WWOX: variants seen among roughly 807,000 people sequenced by gnomAD.
WWOX encodes WW domain-containing oxidoreductase.
WWOX carries 69 observed loss-of-function variants against 46.2 expected under a neutral mutation model. That is an observed-to-expected ratio of 1.49 (90% CI 1.23 to 1.82). The LOEUF (loss-of-function observed/expected upper bound fraction) is 1.82. Ranked by LOEUF, WWOX falls within the 40% of genes most tolerant of loss-of-function variation. WWOX has a pLI of 0.00. For synonymous variants in WWOX, 359 were observed against 202.6 expected (o/e 1.77, Z -6.56); for missense variants, 919 against 542.6 (o/e 1.69, Z -6.89).
chr16:78,942,269 G>A (rs913939590), intron 8 of WWOX, among the ~76,000 whole-genome samples: 1 of 152,050 alleles, frequency 6.6e-6, no homozygotes, highest in African/African-American at 2.4e-5. Context: ...GTTGTTCCTC[G>A]TGCTGCCAAG....
chr16:78,138,157 C>T (rs2033864829), intron 4 of WWOX, among the ~76,000 whole-genome samples: 1 of 150,820 alleles, frequency 6.6e-6, no homozygotes, highest in Non-Finnish European at 1.5e-5. Flanking sequence ...AGTCACAAAA[C>T]ATCACATGAC....
intron 8 of WWOX, among the ~76,000 whole-genome samples, chr16:78,597,913 T>G (rs922198096): frequency 6.6e-6 from 1 of 152,124 alleles, no homozygotes; most frequent in African/African-American, 2.4e-5. Flanking sequence ...TTTCAGACAC[T>G]GTAAAACTAC....
chr16:78,847,248 C>G (rs1022019782), intron 8 of WWOX, among the ~76,000 whole-genome samples: 1 of 152,126 alleles, frequency 6.6e-6, no homozygotes, highest in African/African-American at 2.4e-5. Context: ...TCTAGAACTT[C>G]TCAACAGAGT....
chr16:78,409,632 G>A (rs528691498), intron 6 of WWOX, among the ~76,000 whole-genome samples: 20 of 152,234 alleles, frequency 1.3e-4, no homozygotes, highest in African/African-American at 4.8e-4. Context: ...ACAAACTTAT[G>A]TGCTTAAAAC....
chr16:78,662,125 T>C (rs1597409623), intron 8 of WWOX, among the ~76,000 whole-genome samples: 1 of 152,006 alleles, frequency 6.6e-6, no homozygotes, highest in African/African-American at 2.4e-5. Flanking sequence ...GACTTTGGGG[T>C]TTGCAGTAAG....
At chr16:78,838,037 G>T (rs373763516) in intron 8 of WWOX, among the ~76,000 whole-genome samples, 13 of 152,134 alleles carry the variant, frequency 8.5e-5, no homozygotes, top group African/African-American at 2.9e-4. Flanking sequence ...AGAAAGACTG[G>T]CACAGTTAGA....
intron 8 of WWOX, among the ~76,000 whole-genome samples, chr16:79,021,663 C>G (rs2047536342): frequency 1.3e-5 from 2 of 152,220 alleles, no homozygotes; most frequent in African/African-American, 4.8e-5. Context: ...CACACAGATG[C>G]TTCTCACACG....
At chr16:78,605,761 T>C (rs548574392) in intron 8 of WWOX, among the ~76,000 whole-genome samples, 11 of 152,290 alleles carry the variant, frequency 7.2e-5, no homozygotes, top group Admixed American at 5.2e-4. Context: ...ATGGAAAGGA[T>C]AGGAAGAAGC....
At chr16:78,977,977 A>ATCTG (rs33944113) in intron 8 of WWOX, among the ~76,000 whole-genome samples, 1 of 9,902 alleles carries the variant, frequency 1.0e-4, no homozygotes, top group African/African-American at 1.3e-4. Context: ...TAAATACCGC[A>ATCTG]TCTATTTCCA....
At chr16:79,061,627 C>G (rs1359660257) in intron 8 of WWOX, among the ~76,000 whole-genome samples, 1 of 152,128 alleles carries the variant, frequency 6.6e-6, no homozygotes, top group Admixed American at 6.5e-5. Flanking sequence ...GAGCACTGAT[C>G]CATGACAGTA....
At chr16:78,864,906 G>A (rs1277422382) in intron 8 of WWOX, among the ~76,000 whole-genome samples, 1 of 151,610 alleles carries the variant, frequency 6.6e-6, no homozygotes, top group Non-Finnish European at 1.5e-5. Context: ...GGGACCACAG[G>A]CGTGCACCAC....
chr16:78,903,095 A>G (rs897073574), intron 8 of WWOX, among the ~76,000 whole-genome samples: 1 of 152,008 alleles, frequency 6.6e-6, no homozygotes, highest in Non-Finnish European at 1.5e-5. Context: ...GCAAAACTAC[A>G]CTCCATAGAG....
chr16:78,327,024 T>G (rs2080639354), intron 5 of WWOX, among the ~76,000 whole-genome samples: 1 of 152,174 alleles, frequency 6.6e-6, no homozygotes, highest in South Asian at 2.1e-4. Context: ...ATAGTCATCC[T>G]TGGCTTCCTC....
chr16:79,027,194 C>T (rs893934271), intron 8 of WWOX, among the ~76,000 whole-genome samples: 3 of 149,370 alleles, frequency 2.0e-5, no homozygotes, highest in African/African-American at 7.5e-5. Flanking sequence ...GTGGGATAAT[C>T]AGCTGAGCTG....
intron 8 of WWOX, among the ~76,000 whole-genome samples, chr16:78,817,523 C>A (rs1185637215): frequency 6.6e-6 from 1 of 152,156 alleles, no homozygotes; most frequent in Admixed American, 6.5e-5. Flanking sequence ...CTTGGCTGAA[C>A]TTTGCTTCAA....
intron 8 of WWOX, among the ~76,000 whole-genome samples, chr16:78,920,117 A>G (rs1016694172): frequency 6.6e-6 from 1 of 152,144 alleles, no homozygotes; most frequent in African/African-American, 2.4e-5. Context: ...TCTACACTGT[A>G]GGGCCGTCAA....
intron 8 of WWOX, among the ~76,000 whole-genome samples, chr16:78,661,904 C>T (rs2047222679): frequency 1.3e-5 from 2 of 152,090 alleles, no homozygotes; most frequent in South Asian, 4.1e-4. Flanking sequence ...ATCAGCTGGG[C>T]GTGGTGATAT....
intron 5 of WWOX, among the ~76,000 whole-genome samples, chr16:78,363,841 C>T (rs939059004): frequency 7.9e-5 from 12 of 152,054 alleles, no homozygotes; most frequent in Admixed American, 1.3e-4. Flanking sequence ...AGGAACTTGC[C>T]CGAGGTCATG....
intron 8 of WWOX, among the ~76,000 whole-genome samples, chr16:78,877,804 T>C (rs2044264402): frequency 6.6e-6 from 1 of 152,208 alleles, no homozygotes; most frequent in African/African-American, 2.4e-5. Context: ...TCCTTGGATG[T>C]ATAATGTCCA....
Sources: allele counts gnomAD v4.1 joint callset (sites outside exome capture counted in the v4.1 genomes callset), GRCh38; gene constraint gnomAD v4.1.1; transcripts MANE v1.5; gene names NCBI Gene and HGNC (gene_info 2026-07-23, HGNC 2026-07-21).